The following ZDHHC15 variants were observed in gnomAD, a reference collection of about 807,000 sequenced individuals.
ZDHHC15 encodes the protein palmitoyltransferase ZDHHC15.
Under a neutral mutation model 31.7 loss-of-function variants are expected in ZDHHC15, and 19 were observed. That is an observed-to-expected ratio of 0.60 (90% CI 0.42 to 0.88). The LOEUF (loss-of-function observed/expected upper bound fraction) is 0.88. Ranked by LOEUF, ZDHHC15 falls within the 40% of genes least tolerant of loss-of-function variation. The probability of loss-of-function intolerance (pLI) is 0.00; values close to 1 mark genes in which losing one functional copy is unlikely to be tolerated. For synonymous variants in ZDHHC15, 103 were observed against 90.0 expected (o/e 1.14, Z -0.82); for missense variants, 209 against 251.2 (o/e 0.83, Z 1.14).
intron 3 of ZDHHC15, among the ~76,000 whole-genome samples, chrX:75,461,022 C>T (rs887112019): frequency 1.8e-5 from 2 of 111,369 alleles, no homozygotes; most frequent in South Asian, 7.6e-4. Flanking sequence ...TAACCCAATG[C>T]AAAGAGGCTA....
At chrX:75,464,537 G>C (rs1352379465) in intron 3 of ZDHHC15, among the ~76,000 whole-genome samples, 1 of 111,556 alleles carries the variant, frequency 9.0e-6, no homozygotes, top group Non-Finnish European at 1.9e-5. Flanking sequence ...CAATATCCTT[G>C]ATAAACATTG....
At chrX:75,400,015 G>A (rs1165592557) in intron 10 of ZDHHC15, among the ~76,000 whole-genome samples, 3 of 111,703 alleles carry the variant, frequency 2.7e-5, no homozygotes, top group Non-Finnish European at 5.6e-5. Context: ...ACACCCACAC[G>A]CAGAGATGAG....
chrX:75,373,754 C>A (rs1378812558), intron 11 of ZDHHC15, among the ~76,000 whole-genome samples: 1 of 110,450 alleles, frequency 9.1e-6, no homozygotes, highest in Non-Finnish European at 1.9e-5. Flanking sequence ...GCATGCAATG[C>A]ATAATCATCA....
chrX:75,470,436 A>T (rs1196261893), intron 3 of ZDHHC15, among the ~76,000 whole-genome samples: 2 of 111,034 alleles, frequency 1.8e-5, no homozygotes, highest in African/African-American at 3.3e-5. Flanking sequence ...TAGTGACTCT[A>T]TACATAATAC....
At chrX:75,493,995 C>G (rs991295153) in intron 2 of ZDHHC15, among the ~76,000 whole-genome samples, 5 of 111,364 alleles carry the variant, frequency 4.5e-5, no homozygotes, top group Admixed American at 9.6e-5. Context: ...GTCAAATTGT[C>G]CCTGTTTGCA....
At chrX:75,508,012 G>A (rs1014731485) in intron 1 of ZDHHC15, among the ~76,000 whole-genome samples, 6 of 111,204 alleles carry the variant, frequency 5.4e-5, no homozygotes, top group Admixed American at 1.9e-4. Context: ...ACAGCAGTGC[G>A]ATCCAATAGA....
chrX:75,473,366 G>A (rs902814599), intron 3 of ZDHHC15, among the ~76,000 whole-genome samples: 3 of 111,516 alleles, frequency 2.7e-5, no homozygotes, highest in African/African-American at 9.8e-5. Flanking sequence ...GGTGGAAGTG[G>A]AAGTGGCACT....
chrX:75,489,421 T>A (rs1210084675), intron 2 of ZDHHC15, among the ~76,000 whole-genome samples: 1 of 111,555 alleles, frequency 9.0e-6, no homozygotes, highest in Non-Finnish European at 1.9e-5. Flanking sequence ...GGCAGCAACA[T>A]TTGCTGCTCA....
intron 4 of ZDHHC15, among the ~76,000 whole-genome samples, chrX:75,449,199 T>C (rs79393800): frequency 1.1e-3 from 9 of 8,440 alleles, no homozygotes; most frequent in East Asian, 0.044. Context: ...TCTCTCTCTC[T>C]ATACACACAC....
At chrX:75,456,834 C>T (rs997730375) in intron 3 of ZDHHC15, among the ~76,000 whole-genome samples, 2 of 111,392 alleles carry the variant, frequency 1.8e-5, no homozygotes, top group Non-Finnish European at 3.8e-5. Flanking sequence ...TCTCCCCTGT[C>T]AAGGCCACAT....
At chrX:75,438,052 A>G (rs1431187203) in intron 4 of ZDHHC15, among the ~76,000 whole-genome samples, 1 of 112,324 alleles carries the variant, frequency 8.9e-6, no homozygotes, top group Non-Finnish European at 1.9e-5. Flanking sequence ...TGGCCATCAG[A>G]GAAATGCAAA....
At chrX:75,380,008 A>G (rs2083098276) in intron 10 of ZDHHC15, among the ~76,000 whole-genome samples, 2 of 101,475 alleles carry the variant, frequency 2.0e-5, no homozygotes, top group Non-Finnish European at 4.1e-5. Flanking sequence ...GAAAACTGGA[A>G]AAATAAAAGT....
intron 10 of ZDHHC15, among the ~76,000 whole-genome samples, chrX:75,406,691 T>TA (rs1355745682): frequency 1.2e-5 from 1 of 84,870 alleles, no homozygotes; most frequent in African/African-American, 4.4e-5. Flanking sequence ...ATTGATGGTG[T>TA]AAAAAAAAGT....
rs767775073 is a variant in ZDHHC15 at position 75,379,187 on chromosome X, C to T, written c.979G>A (p.Gly327Ser). Residue 327 changes from glycine (G) to serine (S), a missense_variant, in exon 11 of 12, where the codon GGC (glycine) becomes AGC (serine). Physicochemically the swap from Gly to Ser is moderately conservative, Grantham distance 56. Transcript: ENST00000373367. ...GTTTCCACAGCAAGAGATGATGAGC[C>T]TTCTGGATAATCTGCAAGGTTGAAA... ...NEDDNQDYPE[G>S]SSSLAVETET 7 of 1,211,107 alleles carry T rather than the reference C, an allele frequency of 5.8e-6. No individual in the cohort carries two copies. Among genetic ancestry groups the T allele is most frequent in the African/African-American group, 1.7e-5 (1 of 57,698 alleles).
intron 3 of ZDHHC15, among the ~76,000 whole-genome samples, chrX:75,477,810 T>C (rs1312343624): frequency 8.9e-6 from 1 of 112,190 alleles, no homozygotes. Context: ...TTATCCATTC[T>C]GCCAATTTCA....
intron 10 of ZDHHC15, among the ~76,000 whole-genome samples, chrX:75,411,206 C>T (rs2083481373): frequency 1.5e-5 from 1 of 64,675 alleles, no homozygotes; most frequent in South Asian, 1.1e-3. Context: ...TAACAATAAT[C>T]TATTGTACAT....
intron 10 of ZDHHC15, among the ~76,000 whole-genome samples, chrX:75,383,993 C>T (rs897261171): frequency 3.6e-5 from 4 of 109,679 alleles, no homozygotes; most frequent in Non-Finnish European, 7.6e-5. Flanking sequence ...CTGCCCGCCT[C>T]GGCCTCCCAA....
intron 10 of ZDHHC15, among the ~76,000 whole-genome samples, chrX:75,387,670 C>T (rs1157369159): frequency 9.0e-6 from 1 of 111,639 alleles, no homozygotes; most frequent in East Asian, 2.8e-4. Flanking sequence ...AAAACTGCCT[C>T]AAAACATCAA....
chrX:75,462,318 T>C (rs1048088256), intron 3 of ZDHHC15, among the ~76,000 whole-genome samples: 2 of 112,137 alleles, frequency 1.8e-5, no homozygotes, highest in African/African-American at 6.5e-5. Context: ...TCTAACACAG[T>C]AATAGTGAAA....
Sources: gnomAD v4.1 joint callset for allele counts (sites outside exome capture counted in the v4.1 genomes callset) on GRCh38, gnomAD v4.1.1 for gene constraint, MANE v1.5 for transcripts, NCBI Gene and HGNC (gene_info 2026-07-23, HGNC 2026-07-21) for gene names.